The following NIN variants were observed in gnomAD, a reference collection of about 807,000 sequenced individuals.
NIN encodes the protein glycogen synthase kinase 3 beta-interacting protein.
In NIN, 137 loss-of-function variants were observed where a neutral mutation model predicts 257.6. The observed-to-expected ratio is 0.53, with a 90% CI of 0.46 to 0.61. The LOEUF is 0.61. NIN is among the 20% of genes least tolerant of loss of function. NIN has a pLI of 0.00. For missense variants in NIN, 2,439 were observed against 2,501.2 expected (o/e 0.98, Z 0.53); for synonymous variants, 918 against 919.8 (o/e 1.00, Z 0.04).
chr14:50,774,691 C>G (rs1223074806), intron 7 of NIN, among the ~76,000 whole-genome samples: 15 of 152,056 alleles, frequency 9.9e-5, no homozygotes, highest in Admixed American at 9.8e-4. Context: ...AAAAGTTTGG[C>G]TCTAACATTA....
intron 28 of NIN, among the ~76,000 whole-genome samples, chr14:50,731,454 C>T (rs1209958312): frequency 6.6e-6 from 1 of 150,418 alleles, no homozygotes; most frequent in Non-Finnish European, 1.5e-5. Flanking sequence ...TTGCTTGAAC[C>T]TGGGAGGCAG....
At chr14:50,741,432 TTATC>T in intron 25 of NIN, 146 bp downstream of exon 25, 1 of 679,576 alleles carries the variant, frequency 1.5e-6, no homozygotes. Flanking sequence ...TTCTACATTT[TTATC>T]TAAGTGATGG....
At chr14:50,789,511 C>A (rs2043490739) in intron 5 of NIN, among the ~76,000 whole-genome samples, 1 of 152,146 alleles carries the variant, frequency 6.6e-6, no homozygotes, top group Non-Finnish European at 1.5e-5. Flanking sequence ...GCGGAGCTTC[C>A]AACGAGCCGA....
Position 50,739,426 on chromosome 14 carries a change from G to T in NIN, c.5510C>A (p.Ser1837Tyr). 6.2e-7 allele frequency: 1 copy of T among 1,614,172 alleles called. No homozygotes were observed. The highest frequency in any genetic ancestry group is 2.2e-5 in the East Asian group (1 of 44,880). Residue 1837 changes from serine (S) to tyrosine (Y), a missense_variant, in exon 26 of 31, where the codon TCC becomes TAC. Transcript: ENST00000530997. ...CATCAGATGATCCAACTTGTCCCAG[G>T]ACAGCCTTTTCTGCTGGTTATGGAG... ...SGLHNQQKRL[S>Y]WDKLDHLMNE...
At chr14:50,794,561 A>G (rs945336024) in intron 4 of NIN, 6 of 653,556 alleles carry the variant, frequency 9.2e-6, no homozygotes, top group Admixed American at 1.3e-4. Context: ...ACCATCCTTA[A>G]TTTATTACAT....
intron 3 of NIN, among the ~76,000 whole-genome samples, chr14:50,819,377 G>A (rs76027321): frequency 0.034 from 5,173 of 152,280 alleles, 178 homozygotes; most frequent in African/African-American, 0.09. Context: ...GGAGATAAGT[G>A]AACTGTGGGG....
chr14:50,798,377 G>A (rs2043935805), intron 4 of NIN, among the ~76,000 whole-genome samples: 1 of 152,196 alleles, frequency 6.6e-6, no homozygotes, highest in Non-Finnish European at 1.5e-5. Context: ...GCTTTGATTA[G>A]CCTTGCCCAG....
chr14:50,804,654 A>T (rs1367649587), intron 4 of NIN, among the ~76,000 whole-genome samples: 2 of 152,146 alleles, frequency 1.3e-5, no homozygotes, highest in Non-Finnish European at 2.9e-5. Flanking sequence ...TATAAATATT[A>T]CTTCCTGGCT....
intron 30 of NIN, 110 bp from the exon 31 acceptor site, chr14:50,723,782 C>T (rs971422009): frequency 9.6e-6 from 8 of 829,458 alleles, no homozygotes; most frequent in Non-Finnish European, 1.5e-5. Context: ...ATCACTTCGT[C>T]TAATTATATT....
Position 50,792,871 on chromosome 14 carries a change from T to C in NIN, c.276A>G (p.Leu92=). The change falls in exon 5 of 31, where the codon CTA becomes CTG. Residue 92 remains leucine, a synonymous_variant. Coordinates refer to ENST00000530997, the MANE Select transcript of NIN (RefSeq NM_020921.4). ...CTCTAACATATTTGGGCTGAGCTTC[T>C]AGTGAGCAGTCTGAGAGAGGAGACA... ...EEHFQEPDCS[L]EAQPKYVRGG... is the part of the protein sequence containing the mutation. The C allele has an allele frequency of 6.2e-7, 1 of 1,614,212 alleles. No individual in the cohort carries two copies. The highest frequency in any genetic ancestry group is 8.5e-7 in the Non-Finnish European group (1 of 1,180,026).
chr14:50,830,830 C>T (rs1193995253), intron 1 of NIN, 176 bp downstream of exon 1: 2 of 151,438 alleles, frequency 1.3e-5, no homozygotes, highest in Admixed American at 6.6e-5. Context: ...GCTGCTTCCT[C>T]CCGGCCCGCA....
chr14:50,753,814 T>C (rs2041905226), intron 20 of NIN, among the ~76,000 whole-genome samples: 1 of 151,860 alleles, frequency 6.6e-6, no homozygotes, highest in African/African-American at 2.4e-5. Flanking sequence ...TTCAATAGGT[T>C]AAAAAAAAGA....
intron 23 of NIN, among the ~76,000 whole-genome samples, chr14:50,744,033 TTAA>T (rs2041418093): frequency 6.6e-6 from 1 of 152,164 alleles, no homozygotes; most frequent in Admixed American, 6.5e-5. Context: ...ATTATCGAGT[TTAA>T]TAATATAATT....
intron 18 of NIN, among the ~76,000 whole-genome samples, chr14:50,756,093 C>CA (rs1335628674): frequency 6.7e-6 from 1 of 149,950 alleles, no homozygotes; most frequent in African/African-American, 2.5e-5. Flanking sequence ...TAATAATACA[C>CA]AAAAAATCAT....
intron 10 of NIN, 46 bp from the exon 11 acceptor site, chr14:50,771,038 A>G: frequency 6.3e-7 from 1 of 1,591,078 alleles, no homozygotes; most frequent in Non-Finnish European, 8.6e-7. Context: ...GTTTCTAAGC[A>G]ACAAGTAGAC....
intron 4 of NIN, among the ~76,000 whole-genome samples, chr14:50,799,790 A>G (rs954324884): frequency 1.3e-5 from 2 of 152,166 alleles, no homozygotes; most frequent in Non-Finnish European, 2.9e-5. Context: ...CCTGGCTAAC[A>G]TGGCGAAACC....
At chr14:50,760,564 G>A (rs1009933640) in intron 16 of NIN, among the ~76,000 whole-genome samples, 7 of 150,898 alleles carry the variant, frequency 4.6e-5, no homozygotes, top group African/African-American at 1.7e-4. Context: ...TCTTTTAAGT[G>A]GCTGAATTTT....
intron 2 of NIN, among the ~76,000 whole-genome samples, chr14:50,822,975 T>C (rs140125836): frequency 3.3e-5 from 5 of 152,224 alleles, no homozygotes; most frequent in Non-Finnish European, 5.9e-5. Flanking sequence ...AAGCATCTCA[T>C]CTCTTTATGC....
At chr14:50,807,126 AC>A (rs1316793190) in intron 3 of NIN, among the ~76,000 whole-genome samples, 1 of 152,244 alleles carries the variant, frequency 6.6e-6, no homozygotes, top group Non-Finnish European at 1.5e-5. Flanking sequence ...ATTTTTCTGA[AC>A]AAGACCAGAA....
Sources: gnomAD v4.1 joint callset for allele counts (sites outside exome capture counted in the v4.1 genomes callset) on GRCh38, gnomAD v4.1.1 for gene constraint, MANE v1.5 for transcripts, NCBI Gene and HGNC (gene_info 2026-07-23, HGNC 2026-07-21) for gene names.